MYO16: variants seen among roughly 807,000 people sequenced by gnomAD.
The protein encoded by MYO16 is unconventional myosin-XVI.
In MYO16, 94 loss-of-function variants were observed where a neutral mutation model predicts 205.3. That is an observed-to-expected ratio of 0.46 (90% confidence interval 0.39 to 0.54). The LOEUF (loss-of-function observed/expected upper bound fraction) is 0.54. Ranked by LOEUF, MYO16 falls within the 20% of genes least tolerant of loss-of-function variation. The pLI, the probability that MYO16 is intolerant of heterozygous loss-of-function variation, is 0.00. For synonymous variants in MYO16, 988 were observed against 954.0 expected, an observed-to-expected ratio of 1.04 and a Z score of -0.66; for missense variants, 2,315 against 2,387.5, an observed-to-expected ratio of 0.97 and a Z score of 0.63.
At chr13:108,646,062 C>G (rs1880742124) in intron 1 of MYO16, among the ~76,000 whole-genome samples, 1 of 152,186 alleles carries the variant, frequency 6.6e-6, no homozygotes, top group Admixed American at 6.5e-5. Flanking sequence ...TGACCCCTGT[C>G]CTCTGGGGCA....
chr13:109,047,876 C>T (rs1422031353), intron 24 of MYO16, among the ~76,000 whole-genome samples: 5 of 152,014 alleles, frequency 3.3e-5, no homozygotes, highest in Admixed American at 3.3e-4. Context: ...AGCTGTAATA[C>T]ACTGTTTTTC....
chr13:108,756,208 C>T (rs1020388009), intron 4 of MYO16, among the ~76,000 whole-genome samples: 1 of 151,952 alleles, frequency 6.6e-6, no homozygotes, highest in Non-Finnish European at 1.5e-5. Context: ...CTTTTCTAGA[C>T]TTATTTTTCA....
intron 4 of MYO16, among the ~76,000 whole-genome samples, chr13:108,755,720 CATTT>C (rs1309740604): frequency 2.0e-5 from 3 of 151,984 alleles, no homozygotes; most frequent in Non-Finnish European, 4.4e-5. Context: ...CTTTTTTGAT[CATTT>C]ATTATGATTG....
chr13:109,039,197 G>A (rs1886806119), intron 23 of MYO16, among the ~76,000 whole-genome samples: 1 of 152,198 alleles, frequency 6.6e-6, no homozygotes, highest in African/African-American at 2.4e-5. Context: ...GTGAGGCTGT[G>A]CCTTCCTTCT....
At chr13:108,849,102 G>A (rs1006258989) in intron 10 of MYO16, among the ~76,000 whole-genome samples, 1 of 152,186 alleles carries the variant, frequency 6.6e-6, no homozygotes. Flanking sequence ...GCCTTGGGAA[G>A]CGAAGTAAAG....
intron 4 of MYO16, among the ~76,000 whole-genome samples, chr13:108,782,006 G>A (rs1886319574): frequency 6.6e-6 from 1 of 152,108 alleles, no homozygotes; most frequent in African/African-American, 2.4e-5. Flanking sequence ...GTGTAAAAAC[G>A]AACTGATACA....
intron 16 of MYO16, among the ~76,000 whole-genome samples, chr13:108,956,801 C>G (rs1883365323): frequency 6.6e-6 from 1 of 152,110 alleles, no homozygotes; most frequent in Non-Finnish European, 1.5e-5. Context: ...ACACTTATAC[C>G]TAGACTCTAT....
rs144584801 is a variant in MYO16 at position 108,933,328 on chromosome 13, C to T, written c.1925+23178C>T. 5.3e-5 allele frequency among the ~76,000 whole-genome samples: 8 copies of T among 152,278 alleles called. No individual in the cohort carries two copies. In the East Asian group the frequency reaches 1.5e-3, roughly 29 times the overall value. Reference sequence around the variant, plus strand: ...GCATGCTTTCAGCTGATCTGATCCACATGGTCTCAGAAGTGGACTAAACAA... The same window carrying T: ...GCATGCTTTCAGCTGATCTGATCCATATGGTCTCAGAAGTGGACTAAACAA... On this transcript the variant is annotated intron_variant, in intron 16 of 34. Coordinates refer to ENST00000457511, the MANE Select transcript of MYO16 (RefSeq NM_001198950.3).
chr13:108,789,574 G>A (rs539343400), intron 5 of MYO16, among the ~76,000 whole-genome samples: 4 of 152,176 alleles, frequency 2.6e-5, no homozygotes, highest in Admixed American at 6.5e-5. Flanking sequence ...GTCGCAAGTC[G>A]TGCCTGCTGT....
At position 109,019,747 on chromosome 13, in the gene MYO16, A is replaced by G; in HGVS notation, c.2632A>G (p.Ser878Gly). Reference protein sequence around the residue: ...SGFLTLLDEESQMIWSVESNF... With the variant: ...SGFLTLLDEEGQMIWSVESNF... ...ATTTCTCACCTTATTGGATGAAGAA[A>G]GTCAAATGATTTGGTCAGTGGAATC... The change falls in exon 23 of 35, where the codon AGT becomes GGT. Residue 878 changes from serine to glycine, a missense_variant. Physicochemically the swap from Ser to Gly is moderately conservative, Grantham distance 56. Around this residue, in one of 3 missense-constraint regions of MYO16, gnomAD observed 1,213 missense variants for 1,274.4 expected, o/e 0.95. Transcript: ENST00000457511. The G allele has an allele frequency of 1.9e-6, 3 of 1,614,168 alleles. No individual in the cohort carries two copies. Among genetic ancestry groups the G allele is most frequent in the Non-Finnish European group, 2.5e-6 (3 of 1,180,000 alleles).
At chr13:108,915,520 G>A (rs900324240) in intron 16 of MYO16, among the ~76,000 whole-genome samples, 2 of 152,012 alleles carry the variant, frequency 1.3e-5, no homozygotes, top group Non-Finnish European at 2.9e-5. Context: ...GTTTTACAAG[G>A]GCTATTTCAA....
chr13:108,639,169 G>T (rs1208947984), intron 1 of MYO16, among the ~76,000 whole-genome samples: 3 of 152,082 alleles, frequency 2.0e-5, no homozygotes, highest in Admixed American at 6.6e-5. Flanking sequence ...TGTAGAGTGT[G>T]GATTAAAGGA....
chr13:108,777,244 G>A (rs1051085215), intron 4 of MYO16, among the ~76,000 whole-genome samples: 21 of 152,194 alleles, frequency 1.4e-4, no homozygotes, highest in African/African-American at 5.1e-4. Flanking sequence ...TAATAGAAAG[G>A]CACGACATAG....
intron 16 of MYO16, among the ~76,000 whole-genome samples, chr13:108,957,383 CAAAAAAAAAA>C (rs33954239): frequency 1.0e-5 from 1 of 96,940 alleles, no homozygotes; most frequent in Non-Finnish European, 1.9e-5. Flanking sequence ...AACTCCATCT[CAAAAAAAAAA>C]AAAAAAAACA....
In MYO16 at chr13:109,141,025, C is replaced by G. The variant is rs527776649; in HGVS notation, c.4813C>G (p.Pro1605Ala). ...CCCGCCCCCGCCCCCGCCCGGGCCGCCCCCCGCGCCCTACAGGCCCTGCGC... is the reference window on the plus strand; with the variant it reads ...CCCGCCCCCGCCCCCGCCCGGGCCGGCCCCCGCGCCCTACAGGCCCTGCGC... ...PPPPPPPPGP[P>A]PAPYRPCAHL... Residue 1605 changes from proline (P) to alanine (A), a missense_variant, in exon 32 of 35, where the codon CCC becomes GCC. Pro to Ala is a conservative substitution (Grantham distance 27). This residue lies in a region of MYO16 where 1,097 missense variants were observed against 1,092.0 expected (regional missense o/e 1.00). Coordinates refer to ENST00000457511, the MANE Select transcript of MYO16 (RefSeq NM_001198950.3). The surrounding 1 kb of genome is among the most constrained non-coding windows in gnomAD (Gnocchi z 4.1). The G allele has an allele frequency of 7.5e-7, 1 of 1,325,894 alleles. No individual in the cohort carries two copies. The highest frequency in any genetic ancestry group is 2.8e-4 in the Middle Eastern group (1 of 3,572). The allele number at this position is 1,325,894 out of a possible 1,614,324, so 82.1% of individuals were successfully genotyped here. A position where few individuals can be genotyped will look rare whatever the true frequency, so the allele number is the denominator to read the frequency against.
At chr13:109,030,207 A>T (rs906817775) in intron 23 of MYO16, among the ~76,000 whole-genome samples, 1 of 151,174 alleles carries the variant, frequency 6.6e-6, no homozygotes, top group Non-Finnish European at 1.5e-5. Context: ...CTTAATGGGA[A>T]AGTAAAAGAA....
intron 6 of MYO16, among the ~76,000 whole-genome samples, chr13:108,804,755 C>A (rs1887063991): frequency 6.6e-6 from 1 of 152,128 alleles, no homozygotes; most frequent in Non-Finnish European, 1.5e-5. Flanking sequence ...TTGGGATTAC[C>A]TAGAAGTAAA....
chr13:109,031,291 C>T (rs141709537), intron 23 of MYO16, among the ~76,000 whole-genome samples: 327 of 152,174 alleles, frequency 2.1e-3, no homozygotes, highest in African/African-American at 7.5e-3. Flanking sequence ...GGGGTTTCAC[C>T]ATATTGGCCA....
intron 12 of MYO16, among the ~76,000 whole-genome samples, chr13:108,870,132 G>T (rs189658076): frequency 2.0e-5 from 3 of 151,774 alleles, no homozygotes; most frequent in African/African-American, 4.8e-5. Flanking sequence ...CATAGAAAAC[G>T]TATTGAATTT....
Sources: allele counts gnomAD v4.1 joint callset (sites outside exome capture counted in the v4.1 genomes callset), GRCh38; gene constraint gnomAD v4.1.1; regional missense constraint gnomAD v4.1.1; non-coding constraint Gnocchi (gnomAD v3.1); transcripts MANE v1.5; gene names NCBI Gene and HGNC (gene_info 2026-07-23, HGNC 2026-07-21).